Variants in KCTD8 observed in about 807,000 individuals in gnomAD.
KCTD8 encodes potassium channel tetramerization domain containing 8.
In KCTD8, 27 loss-of-function variants were observed where a neutral mutation model predicts 31.5. The ratio of observed to expected loss-of-function variants is 0.86; its 90% CI spans 0.63 to 1.18. The LOEUF (loss-of-function observed/expected upper bound fraction) is 1.18, where lower values mean the gene tolerates loss of function less well. KCTD8 is among the 50% of genes most tolerant of loss of function. The pLI, the probability that KCTD8 is intolerant of heterozygous loss-of-function variation, is 0.00. For synonymous variants in KCTD8, 290 were observed against 280.0 expected (o/e 1.04, Z -0.36); for missense variants, 658 against 647.7 (o/e 1.02, Z -0.17).
intron 1 of KCTD8, among the ~76,000 whole-genome samples, chr4:44,437,978 C>T (rs1224051218): frequency 6.6e-6 from 1 of 152,110 alleles, no homozygotes; most frequent in African/African-American, 2.4e-5. Context: ...CTGCTACCTC[C>T]CACCACTCAC....
At chr4:44,305,141 A>G (rs917397713) in intron 1 of KCTD8, among the ~76,000 whole-genome samples, 1 of 152,064 alleles carries the variant, frequency 6.6e-6, no homozygotes, top group African/African-American at 2.4e-5. Flanking sequence ...ATGAAAAATA[A>G]AAGAACAGAA....
chr4:44,275,082 AG>A (rs1716715347), intron 1 of KCTD8, among the ~76,000 whole-genome samples: 1 of 152,048 alleles, frequency 6.6e-6, no homozygotes, highest in South Asian at 2.1e-4. Flanking sequence ...CATATGAGAC[AG>A]GATAAAGATT....
intron 1 of KCTD8, among the ~76,000 whole-genome samples, chr4:44,357,755 AT>A (rs559690396): frequency 3.5e-4 from 53 of 151,946 alleles, no homozygotes; most frequent in Admixed American, 1.0e-3. Context: ...TTAAGTAGAG[AT>A]TTTTTTTCAT....
At chr4:44,210,164 A>T (rs1560395653) in intron 1 of KCTD8, among the ~76,000 whole-genome samples, 1 of 152,028 alleles carries the variant, frequency 6.6e-6, no homozygotes, top group East Asian at 1.9e-4. Context: ...TCTCAACATA[A>T]TTTTTTTCCC....
At chr4:44,423,053 T>A (rs1286926002) in intron 1 of KCTD8, among the ~76,000 whole-genome samples, 1 of 152,046 alleles carries the variant, frequency 6.6e-6, no homozygotes, top group Non-Finnish European at 1.5e-5. Flanking sequence ...CCAGGGCAGT[T>A]TACCCCCCGG....
intron 1 of KCTD8, among the ~76,000 whole-genome samples, chr4:44,286,156 C>T (rs1380811644): frequency 2.0e-5 from 3 of 152,034 alleles, no homozygotes; most frequent in Non-Finnish European, 4.4e-5. Flanking sequence ...TATCCATATT[C>T]ACTTTATTGG....
Position 44,447,896 on chromosome 4 carries a change from T to C in KCTD8, c.628A>G (p.Thr210Ala), listed in dbSNP as rs1212336511. ...GTGTAGGAGCCCCGGTAGCCCAGCG[T>C]GAGGAAGCCCGAGCGCTTGTCCTGC... Reference protein sequence around the residue: ...GAQDKRSGFLTLGYRGSYTTV... With the variant: ...GAQDKRSGFLALGYRGSYTTV... The change falls in exon 1 of 2, where the codon ACG (threonine) becomes GCG (alanine). Residue 210 changes from threonine to alanine, a missense_variant. By Grantham distance (58) the Thr-to-Ala change is moderately conservative. Transcript: ENST00000360029. The C allele has an allele frequency of 1.3e-6, 2 of 1,525,612 alleles. No homozygotes were observed. The highest frequency in any genetic ancestry group is 4.0e-5 in the Admixed American group (2 of 49,616). 94.5% of individuals were successfully genotyped at this position (1,525,612 alleles called of 1,614,324 possible). A position where few individuals can be genotyped will look rare whatever the true frequency, so the allele number is the denominator to read the frequency against.
intron 1 of KCTD8, among the ~76,000 whole-genome samples, chr4:44,439,371 T>C (rs1721759334): frequency 6.6e-6 from 1 of 152,172 alleles, no homozygotes; most frequent in South Asian, 2.1e-4. Context: ...CAGGGTTTAA[T>C]GAGAGACTGG....
chr4:44,322,860 T>C (rs896111438), intron 1 of KCTD8, among the ~76,000 whole-genome samples: 1 of 152,090 alleles, frequency 6.6e-6, no homozygotes, highest in Non-Finnish European at 1.5e-5. Context: ...TCTCAATGTA[T>C]GTTATTGGTG....
intron 1 of KCTD8, among the ~76,000 whole-genome samples, chr4:44,252,525 TA>T (rs1297094663): frequency 1.3e-5 from 2 of 151,754 alleles, no homozygotes; most frequent in East Asian, 1.9e-4. Flanking sequence ...CAACATCTGT[TA>T]TTTTTTTATT....
At chr4:44,268,449 C>A (rs1716463473) in intron 1 of KCTD8, among the ~76,000 whole-genome samples, 1 of 152,092 alleles carries the variant, frequency 6.6e-6, no homozygotes, top group African/African-American at 2.4e-5. Flanking sequence ...ACTGAATGGG[C>A]AAAAACTGGA....
chr4:44,288,766 T>C (rs1717175619), intron 1 of KCTD8, among the ~76,000 whole-genome samples: 1 of 152,034 alleles, frequency 6.6e-6, no homozygotes, highest in Non-Finnish European at 1.5e-5. Flanking sequence ...GTATCCCATT[T>C]TCAAAATTAA....
At position 44,317,430 on chromosome 4, in the gene KCTD8, G is replaced by A. The variant is rs573355469; in HGVS notation, c.961+130133C>T. On this transcript the variant is annotated intron_variant, in intron 1 of 1. Transcript: ENST00000360029. Reference sequence around the variant, plus strand: ...AATTTTTTGTATTTTTAGTAGAGACGGGGTTTCACCTTGTTAGCCAGGATG... The same window carrying A: ...AATTTTTTGTATTTTTAGTAGAGACAGGGTTTCACCTTGTTAGCCAGGATG... 2.8e-5 allele frequency among the ~76,000 whole-genome samples: 4 copies of A among 141,200 alleles called. No homozygotes were observed. The East Asian group carries it at 7.9e-4, about 28-fold the overall frequency. 92.6% of individuals were successfully genotyped at this position (141,200 alleles called of 152,430 possible).
intron 1 of KCTD8, among the ~76,000 whole-genome samples, chr4:44,430,029 G>C (rs202065227): frequency 2.7e-5 from 4 of 146,992 alleles, no homozygotes; most frequent in Non-Finnish European, 4.4e-5. Flanking sequence ...TAACTGGGGG[G>C]TTTAAAAAAA....
At chr4:44,398,202 T>G (rs1577654451) in intron 1 of KCTD8, among the ~76,000 whole-genome samples, 1 of 152,318 alleles carries the variant, frequency 6.6e-6, no homozygotes, top group East Asian at 1.9e-4. Context: ...TTTATCTGTT[T>G]TCCTTATTGC....
intron 1 of KCTD8, among the ~76,000 whole-genome samples, chr4:44,282,907 T>C (rs536429909): frequency 6.6e-6 from 1 of 152,090 alleles, no homozygotes; most frequent in Non-Finnish European, 1.5e-5. Flanking sequence ...GGAAAGAAAC[T>C]ATTTCTATAA....
chr4:44,410,549 C>A (rs1365215121), intron 1 of KCTD8, among the ~76,000 whole-genome samples: 1 of 152,042 alleles, frequency 6.6e-6, no homozygotes, highest in Non-Finnish European at 1.5e-5. Flanking sequence ...TTTAATGCTG[C>A]TGATAAAGAC....
At chr4:44,342,421 G>GAC (rs775206163) in intron 1 of KCTD8, among the ~76,000 whole-genome samples, 65 of 150,620 alleles carry the variant, frequency 4.3e-4, no homozygotes, top group Non-Finnish European at 8.6e-4. Flanking sequence ...AGTAGGTCTC[G>GAC]ACAGTGGGCT....
intron 1 of KCTD8, among the ~76,000 whole-genome samples, chr4:44,209,460 C>T (rs1714414504): frequency 6.6e-6 from 1 of 151,832 alleles, no homozygotes; most frequent in Non-Finnish European, 1.5e-5. Flanking sequence ...GTTTCTCTCA[C>T]CATGTATAGA....
Sources: allele counts gnomAD v4.1 joint callset (sites outside exome capture counted in the v4.1 genomes callset), GRCh38; gene constraint gnomAD v4.1.1; transcripts MANE v1.5; gene names NCBI Gene and HGNC (gene_info 2026-07-23, HGNC 2026-07-21).